The following VAV2 variants were observed in gnomAD, a reference collection of about 807,000 sequenced individuals.
VAV2 encodes the protein guanine nucleotide exchange factor VAV2.
VAV2 carries 67 observed loss-of-function variants against 132.5 expected under a neutral mutation model. The ratio of observed to expected loss-of-function variants is 0.51; its 90% CI spans 0.42 to 0.62. The LOEUF (loss-of-function observed/expected upper bound fraction) is 0.62. Among genes scored for constraint, VAV2 ranks in the 20% least tolerant of loss-of-function variants. VAV2 has a pLI of 0.00. For synonymous variants in VAV2, 492 were observed against 443.5 expected (o/e 1.11, Z -1.37); for missense variants, 938 against 1,153.6 (o/e 0.81, Z 2.71).
intron 2 of VAV2, among the ~76,000 whole-genome samples, chr9:133,897,882 G>C (rs1375248481): frequency 2.0e-5 from 3 of 152,100 alleles, no homozygotes; most frequent in African/African-American, 4.8e-5. Flanking sequence ...CCCTGCCAGG[G>C]AGACAGCAGC....
chr9:133,867,645 C>T (rs3780737), intron 2 of VAV2, among the ~76,000 whole-genome samples: 30,167 of 152,228 alleles, frequency 0.2, 3,961 homozygotes, highest in African/African-American at 0.38. Context: ...CAGCCAATGG[C>T]TTTCAGTGCC....
rs1456156695 is a variant in VAV2 at position 133,775,563 on chromosome 9, A to C, written c.2018+465T>G. Among the ~76,000 whole-genome samples, 6 of 152,166 alleles carry C rather than the reference A, an allele frequency of 3.9e-5. No individual in the cohort carries two copies. The East Asian group carries it at 9.6e-4, about 24-fold the overall frequency. Reference sequence around the variant, plus strand: ...CTTCCTGCCACCTGTACTGCAATGAAGCCCACCCTGAGAGGGCAAGGCAAG... The same window carrying C: ...CTTCCTGCCACCTGTACTGCAATGACGCCCACCCTGAGAGGGCAAGGCAAG... On this transcript the variant is annotated intron_variant, in intron 24 of 29. Transcript: ENST00000371850.
chr9:133,780,166 C>G (rs911352567), intron 20 of VAV2: 5 of 577,936 alleles, frequency 8.7e-6, no homozygotes, highest in Non-Finnish European at 1.5e-5. Context: ...CCTTCTCTCT[C>G]CCACTCCTTA....
In VAV2 at chr9:133,771,991, T is replaced by G; in HGVS notation, c.2191A>C (p.Ile731Leu). The change falls in exon 26 of 30, where the codon ATC (isoleucine) becomes CTC (leucine). Residue 731 changes from isoleucine (I) to leucine (L), a missense_variant. Coordinates refer to ENST00000371850, the MANE Select transcript of VAV2 (RefSeq NM_001134398.2). Reference sequence around the variant, plus strand: ...CTGTCGAATTTCTTGGCCTCTGTGATGTGGATCCAGTTGTCCTTCTCCACC... The same window carrying G: ...CTGTCGAATTTCTTGGCCTCTGTGAGGTGGATCCAGTTGTCCTTCTCCACC... The part of the protein sequence containing the change: ...KVVEKDNWIH[I>L]TEAKKFDSLL... 6.2e-7 allele frequency: 1 copy of G among 1,603,794 alleles called. No individual in the cohort carries two copies. Among genetic ancestry groups the G allele is most frequent in the Non-Finnish European group, 8.5e-7 (1 of 1,174,760 alleles).
intron 19 of VAV2, 75 bp downstream of exon 19, chr9:133,783,428 G>T: frequency 6.9e-7 from 1 of 1,456,574 alleles, no homozygotes; most frequent in African/African-American, 1.4e-5. Context: ...CCCGAGGCCC[G>T]TACCCAGGTG....
chr9:133,970,344 C>T (rs1483038062), intron 1 of VAV2, among the ~76,000 whole-genome samples: 2 of 152,190 alleles, frequency 1.3e-5, no homozygotes, highest in Non-Finnish European at 2.9e-5. Context: ...AAGGCAGTTT[C>T]CCAAGCGGAG....
chr9:133,976,248 C>T (rs1254562903), intron 1 of VAV2, among the ~76,000 whole-genome samples: 1 of 152,168 alleles, frequency 6.6e-6, no homozygotes, highest in Admixed American at 6.5e-5. Context: ...GGGTCATCCT[C>T]CCACAAGGGG....
At chr9:133,867,737 C>G (rs1338889050) in intron 2 of VAV2, among the ~76,000 whole-genome samples, 1 of 152,264 alleles carries the variant, frequency 6.6e-6, no homozygotes. Flanking sequence ...TGCACCTTCT[C>G]CCAGGAGGAG....
intron 4 of VAV2, among the ~76,000 whole-genome samples, chr9:133,813,976 C>T (rs888165688): frequency 1.3e-5 from 2 of 152,240 alleles, no homozygotes; most frequent in South Asian, 2.1e-4. Context: ...AGGGGCAGGG[C>T]TGTGGCCCTC....
intron 2 of VAV2, among the ~76,000 whole-genome samples, chr9:133,896,174 G>A (rs1168268097): frequency 6.6e-6 from 1 of 152,226 alleles, no homozygotes; most frequent in Non-Finnish European, 1.5e-5. Context: ...ACGTTAGTAG[G>A]TCGGGCGCAG....
intron 12 of VAV2, among the ~76,000 whole-genome samples, chr9:133,793,316 C>T (rs541548657): frequency 5.7e-4 from 86 of 152,152 alleles, no homozygotes; most frequent in Non-Finnish European, 1.1e-3. Context: ...AAGTGACCAG[C>T]CAGGGCCAGA....
chr9:133,965,313 C>T (rs1429112278), intron 1 of VAV2, among the ~76,000 whole-genome samples: 1 of 150,980 alleles, frequency 6.6e-6, no homozygotes, highest in Non-Finnish European at 1.5e-5. Context: ...CATGGTGAAA[C>T]CCCATCTCTA....
chr9:133,865,606 C>T (rs1837766320), intron 2 of VAV2, among the ~76,000 whole-genome samples: 1 of 151,980 alleles, frequency 6.6e-6, no homozygotes, highest in Non-Finnish European at 1.5e-5. Flanking sequence ...CTTGTTTGCT[C>T]ATCATTTTCT....
At position 133,762,629 on chromosome 9, in the gene VAV2, A is replaced by G. The variant is rs530763023; in HGVS notation, c.*1433T>C. The G allele has an allele frequency of 1.3e-4, 20 of 152,654 alleles. No homozygotes were observed. Among genetic ancestry groups the G allele is most frequent in the African/African-American group, 4.8e-4 (20 of 41,430 alleles). 9.5% of individuals were successfully genotyped at this position (152,654 alleles called of 1,614,324 possible). ...TGCCTCCACCTCCCCTCATTTCCCA[A>G]GCCTTTGTCGAGGGCCCCTCTCTCC... On this transcript the variant is annotated 3_prime_UTR_variant, in exon 30 of 30. Coordinates refer to ENST00000371850, the MANE Select transcript of VAV2 (RefSeq NM_001134398.2). The surrounding 1 kb of genome is among the most constrained non-coding windows in gnomAD (Gnocchi z 5.0).
At chr9:133,772,736 C>T (rs1482986060) in intron 25 of VAV2, among the ~76,000 whole-genome samples, 1 of 151,898 alleles carries the variant, frequency 6.6e-6, no homozygotes, top group African/African-American at 2.4e-5. Context: ...CTCTCCCATA[C>T]AGTCAGGCGG....
rs560859472 is a variant in VAV2 at position 133,935,364 on chromosome 9, GC to G, written c.321+3738del. Among the ~76,000 whole-genome samples, 444 of 152,312 alleles carry G rather than the reference GC, an allele frequency of 2.9e-3. 3 individuals are homozygous for G. The highest frequency in any genetic ancestry group is 0.01 in the African/African-American group (425 of 41,578). On this transcript the variant is annotated intron_variant, in intron 2 of 29. Transcript: ENST00000371850. This position sits in a 1 kb window ranked among gnomAD's most constrained non-coding sequence, Gnocchi z 5.2. Reference sequence around the variant, plus strand: ...ATGGAATGGCCAAGTAAGGAACCAGGCCTATCAGCCCCGCCCTCCACACCGG... The same window carrying G: ...ATGGAATGGCCAAGTAAGGAACCAGGCTATCAGCCCCGCCCTCCACACCGG...
At chr9:133,869,843 C>T (rs1588292107) in intron 2 of VAV2, among the ~76,000 whole-genome samples, 1 of 152,216 alleles carries the variant, frequency 6.6e-6, no homozygotes, top group African/African-American at 2.4e-5. Context: ...CACACGCACA[C>T]GCAGCCCAAC....
intron 2 of VAV2, among the ~76,000 whole-genome samples, chr9:133,906,427 C>T (rs1277162975): frequency 6.6e-6 from 1 of 152,216 alleles, no homozygotes; most frequent in African/African-American, 2.4e-5. Flanking sequence ...GGGAGCCGCC[C>T]CCGCCCTGCC....
intron 2 of VAV2, among the ~76,000 whole-genome samples, chr9:133,890,099 G>A (rs1313553013): frequency 1.3e-5 from 2 of 152,210 alleles, no homozygotes; most frequent in Non-Finnish European, 2.9e-5. Context: ...GGCTGAGGCA[G>A]GTCCCCAGGC....
Sources: gnomAD v4.1 joint callset for allele counts (sites outside exome capture counted in the v4.1 genomes callset) on GRCh38, gnomAD v4.1.1 for gene constraint, Gnocchi (gnomAD v3.1) non-coding constraint, MANE v1.5 for transcripts, NCBI Gene and HGNC (gene_info 2026-07-23, HGNC 2026-07-21) for gene names.